Variants in PIK3C2G observed in about 807,000 individuals in gnomAD.
PIK3C2G encodes the protein phosphatidylinositol-4-phosphate 3-kinase catalytic subunit type 2 gamma.
A neutral mutation model predicts 181.1 loss-of-function variants in PIK3C2G; 168 were observed. The observed-to-expected ratio is 0.93, with a 90% CI of 0.82 to 1.05. The LOEUF (loss-of-function observed/expected upper bound fraction) is 1.05, where lower values mean the gene tolerates loss of function less well. Ranked by LOEUF, PIK3C2G falls within the 50% of genes least tolerant of loss-of-function variation. PIK3C2G has a pLI of 0.00. For synonymous variants in PIK3C2G, 573 were observed against 592.2 expected (o/e 0.97, Z 0.47); for missense variants, 1,869 against 1,732.8 (o/e 1.08, Z -1.40).
At chr12:18,677,173 C>G in the PIK3C2G span, among the ~76,000 whole-genome samples, 1 of 152,070 alleles carries the variant, frequency 6.6e-6, no homozygotes, top group African/African-American at 2.4e-5. Flanking sequence ...CATATTCCAA[C>G]AGCAGATCCT....
intron 12 of PIK3C2G, among the ~76,000 whole-genome samples, chr12:18,368,602 C>T (rs939687497): frequency 2.0e-5 from 3 of 152,268 alleles, no homozygotes; most frequent in East Asian, 1.9e-4. Flanking sequence ...AAATATCTGT[C>T]GTAATCTAGA....
At chr12:18,390,395 C>T (rs1033616001) in intron 14 of PIK3C2G, among the ~76,000 whole-genome samples, 32 of 152,076 alleles carry the variant, frequency 2.1e-4, no homozygotes, top group Admixed American at 3.3e-4. Context: ...ACCTATGGAG[C>T]CCTAGAATAT....
rs775783280 is a variant in PIK3C2G at position 18,563,491 on chromosome 12, C to G, written c.3895C>G (p.Leu1299Val). 6.2e-7 allele frequency: 1 copy of G among 1,613,730 alleles called. No homozygotes were observed. The highest frequency in any genetic ancestry group is 1.1e-5 in the South Asian group (1 of 91,082). ...QLQKQFASLT[L>V]PEFPHWWHLP... ...TCAGAAGCAGTTTGCATCACTGACT[C>G]TCCCAGAGTAAGGCACTGTCCTTTT... The change falls in exon 28 of 33, where the codon CTC becomes GTC. Residue 1299 changes from leucine (L) to valine (V), a missense_variant. Leu to Val is a conservative substitution (Grantham distance 32, BLOSUM62 1). Coordinates refer to ENST00000538779, the MANE Select transcript of PIK3C2G (RefSeq NM_001288772.2).
At chr12:18,438,610 G>T (rs900913731) in intron 18 of PIK3C2G, among the ~76,000 whole-genome samples, 11 of 151,924 alleles carry the variant, frequency 7.2e-5, no homozygotes, top group Admixed American at 3.3e-4. Context: ...GGTATACAGA[G>T]CTATAAAGAA....
At chr12:18,518,664 A>T (rs1220420947) in intron 24 of PIK3C2G, among the ~76,000 whole-genome samples, 1 of 150,824 alleles carries the variant, frequency 6.6e-6, no homozygotes, top group African/African-American at 2.4e-5. Flanking sequence ...TATTTTGTTA[A>T]TTTTTTCAAA....
rs538839414 is a variant in PIK3C2G, at chr12:18,644,334, C to T, written c.4309-3542C>T. 6.6e-5 allele frequency among the ~76,000 whole-genome samples: 10 copies of T among 152,246 alleles called. No individual in the cohort carries two copies. In the South Asian group the frequency reaches 1.0e-3, roughly 16 times the overall value. ...TTCCGGGCTCCAAAGCCTCTTTCCA[C>T]GCCACTACTTTTGCCATCTTCTTAA... On this transcript the variant is annotated intron_variant, in intron 32 of 32. Transcript: ENST00000538779.
At chr12:18,470,909 C>A (rs1213910531) in intron 18 of PIK3C2G, among the ~76,000 whole-genome samples, 1 of 152,002 alleles carries the variant, frequency 6.6e-6, no homozygotes, top group Non-Finnish European at 1.5e-5. Context: ...TTTTATTTAT[C>A]ATCAAACTAA....
chr12:18,286,458 T>C (rs938953021), intron 2 of PIK3C2G, among the ~76,000 whole-genome samples: 6 of 152,078 alleles, frequency 3.9e-5, no homozygotes, highest in African/African-American at 1.4e-4. Context: ...GCAGAAATAA[T>C]TTTAAAACAT....
rs750604345 is a variant in PIK3C2G at position 18,399,650 on chromosome 12, GT to G, written c.2127-4del. 2.0e-6 allele frequency: 3 copies of G among 1,525,456 alleles called. No individual in the cohort carries two copies. Among genetic ancestry groups the G allele is most frequent in the Non-Finnish European group, 1.8e-6 (2 of 1,122,166 alleles). The allele number at this position is 1,525,456 out of a possible 1,614,324, so 94.5% of individuals were successfully genotyped here. A position where few individuals can be genotyped will look rare whatever the true frequency, so the allele number is the denominator to read the frequency against. ...CCAGTAAATTACAGTTTCCAATCTG[GT>G]TTTTCAGACTCTCTGAAGAAAAGAA... On this transcript the variant is annotated splice_polypyrimidine_tract_variant and splice_region_variant and intron_variant, in intron 15 of 32. Coordinates refer to ENST00000538779, the MANE Select transcript of PIK3C2G (RefSeq NM_001288772.2).
intron 18 of PIK3C2G, among the ~76,000 whole-genome samples, chr12:18,430,421 G>T (rs1946090378): frequency 6.6e-6 from 1 of 152,100 alleles, no homozygotes; most frequent in South Asian, 2.1e-4. Flanking sequence ...CAAAGTATGG[G>T]GATAACCTGA....
chr12:18,473,064 T>C (rs943914869), intron 18 of PIK3C2G, among the ~76,000 whole-genome samples: 1 of 151,792 alleles, frequency 6.6e-6, no homozygotes, highest in Non-Finnish European at 1.5e-5. Flanking sequence ...TCTCTCAGAG[T>C]GTGAAAGGGG....
At chr12:18,413,053 T>C (rs1944961640) in intron 16 of PIK3C2G, among the ~76,000 whole-genome samples, 2 of 152,210 alleles carry the variant, frequency 1.3e-5, no homozygotes, top group Non-Finnish European at 2.9e-5. Context: ...TTTAGCCATG[T>C]GTCTTTGATT....
intron 22 of PIK3C2G, among the ~76,000 whole-genome samples, chr12:18,503,037 C>A (rs1482925913): frequency 6.6e-6 from 1 of 152,098 alleles, no homozygotes; most frequent in East Asian, 1.9e-4. Context: ...GCTACCATAG[C>A]TCTAGAAAAA....
At chr12:18,260,584 C>G (rs115341768), upstream of PIK3C2G, among the ~76,000 whole-genome samples, 352 of 151,972 alleles carry the variant, frequency 2.3e-3, no homozygotes, top group African/African-American at 8.3e-3. Context: ...CCATGAGTAG[C>G]CCTGAAAGTG....
intron 26 of PIK3C2G, among the ~76,000 whole-genome samples, chr12:18,557,048 T>C (rs1218364445): frequency 1.3e-5 from 2 of 152,132 alleles, no homozygotes; most frequent in African/African-American, 2.4e-5. Context: ...ATGATCACTT[T>C]GATAGATGCC....
rs752079324 is a variant in PIK3C2G, at chr12:18,609,627, A to C, written c.4180A>C (p.Ile1394Leu). 20 of 1,530,538 alleles carry C rather than the reference A, an allele frequency of 1.3e-5. No individual in the cohort carries two copies. In the East Asian group the frequency reaches 4.5e-4, roughly 34 times the overall value. The allele number at this position is 1,530,538 out of a possible 1,614,324, so 94.8% of individuals were successfully genotyped here. A position where few individuals can be genotyped will look rare whatever the true frequency, so the allele number is the denominator to read the frequency against. Residue 1394 changes from isoleucine (I) to leucine (L), a missense_variant and splice_region_variant, in exon 31 of 33, where the codon ATT becomes CTT. Physicochemically the swap from Ile to Leu is conservative, Grantham distance 5 (BLOSUM62 2). Transcript: ENST00000538779. ...LTILVKHMKN[I>L]HLPDGSAPSA... ...CATACTAGTGAAACACATGAAAAAC[A>C]TTGTAAGTTTATTATGTATAATAAG...
chr12:18,419,892 AG>A (rs1945382476), intron 16 of PIK3C2G, among the ~76,000 whole-genome samples: 1 of 152,172 alleles, frequency 6.6e-6, no homozygotes, highest in South Asian at 2.1e-4. Context: ...TTAACCCTTC[AG>A]TAACCTGATA....
At chr12:18,592,397 G>A (rs1373617021) in intron 29 of PIK3C2G, among the ~76,000 whole-genome samples, 1 of 151,790 alleles carries the variant, frequency 6.6e-6, no homozygotes, top group Admixed American at 6.6e-5. Flanking sequence ...AGACAAGACA[G>A]AATTCACTAA....
intron 11 of PIK3C2G, among the ~76,000 whole-genome samples, chr12:18,349,365 C>G (rs1939994242): frequency 6.6e-6 from 1 of 151,924 alleles, no homozygotes; most frequent in African/African-American, 2.4e-5. Flanking sequence ...GTCAAAAGGA[C>G]CATAATTAAT....
Sources: gnomAD v4.1 joint callset for allele counts (sites outside exome capture counted in the v4.1 genomes callset) on GRCh38, gnomAD v4.1.1 for gene constraint, MANE v1.5 for transcripts, NCBI Gene and HGNC (gene_info 2026-07-23, HGNC 2026-07-21) for gene names.